TENM3: variants seen among roughly 807,000 people sequenced by gnomAD.
TENM3 encodes the protein teneurin transmembrane protein 3, also known as teneurin-3.
A neutral mutation model predicts 255.1 loss-of-function variants in TENM3; 63 were observed. The ratio of observed to expected loss-of-function variants is 0.25; its 90% CI spans 0.20 to 0.30. TENM3 has a LOEUF of 0.30. Ranked by LOEUF, TENM3 falls within the 10% of genes least tolerant of loss-of-function variation. The pLI, the probability that TENM3 is intolerant of heterozygous loss-of-function variation, is 1.00. For synonymous variants in TENM3, 1,306 were observed against 1,322.3 expected (o/e 0.99, Z 0.27); for missense variants, 2,929 against 3,461.1 (o/e 0.85, Z 3.86).
In TENM3 at chr4:182,336,395, C is replaced by T. The variant is rs557834876; in HGVS notation, c.233-10256C>T. 5.3e-5 allele frequency among the ~76,000 whole-genome samples: 8 copies of T among 151,124 alleles called. No homozygotes were observed. The East Asian group carries it at 1.6e-3, about 29-fold the overall frequency. Reference sequence around the variant, plus strand: ...GAATAGCTGTGCTCAAAACTTTACACAGAAGCTCTCATTATAGTGTGTGAA... The same window carrying T: ...GAATAGCTGTGCTCAAAACTTTACATAGAAGCTCTCATTATAGTGTGTGAA... On this transcript the variant is annotated intron_variant, in intron 2 of 27. Coordinates refer to ENST00000511685, the MANE Select transcript of TENM3 (RefSeq NM_001080477.4).
chr4:182,157,941 T>C (rs1750822680), intron 1 of TENM3, among the ~76,000 whole-genome samples: 1 of 152,242 alleles, frequency 6.6e-6, no homozygotes, highest in African/African-American at 2.4e-5. Context: ...TCCTCTCATA[T>C]TTCTTAAAAT....
At chr4:181,950,134 T>A in the TENM3 span, among the ~76,000 whole-genome samples, 1 of 152,280 alleles carries the variant, frequency 6.6e-6, no homozygotes, top group Non-Finnish European at 1.5e-5. Flanking sequence ...TGGCTGGTCC[T>A]TGCCTTAAGT....
At chr4:181,495,256 A>G in the TENM3 span, among the ~76,000 whole-genome samples, 1 of 152,194 alleles carries the variant, frequency 6.6e-6, no homozygotes, top group Non-Finnish European at 1.5e-5. Flanking sequence ...AGTCTGGGCT[A>G]CAAACTAAAG....
chr4:182,460,070 C>T (rs1303463655), intron 3 of TENM3, among the ~76,000 whole-genome samples: 1 of 152,020 alleles, frequency 6.6e-6, no homozygotes, highest in Non-Finnish European at 1.5e-5. Flanking sequence ...TAACGAGGTA[C>T]CTTGTTGGAA....
At chr4:182,031,169 G>T in the TENM3 span, among the ~76,000 whole-genome samples, 1 of 152,166 alleles carries the variant, frequency 6.6e-6, no homozygotes, top group East Asian at 1.9e-4. Context: ...TTTTCTTCTA[G>T]GATTTTTATA....
chr4:182,475,166 T>C (rs902068819), intron 3 of TENM3, among the ~76,000 whole-genome samples: 7 of 152,198 alleles, frequency 4.6e-5, no homozygotes, highest in Non-Finnish European at 1.5e-5. Flanking sequence ...GGAGGACTCC[T>C]TTAGTGGTAG....
rs568057276 is a variant in TENM3 at position 182,637,144 on chromosome 4, T to G, written c.988+8255T>G. ...TAAATAAGGTTAAAAAAACTTGAAT[T>G]ACTAGGAATTTTAGAAGTGAATTCA... is the stretch of plus-strand genomic sequence containing the variant. On this transcript the variant is annotated intron_variant, in intron 5 of 27. Transcript: ENST00000511685. Among the ~76,000 whole-genome samples the G allele has an allele frequency of 2.0e-5, 3 of 152,212 alleles. No homozygotes were observed. In the East Asian group the frequency reaches 5.8e-4, roughly 29 times the overall value.
At chr4:181,510,225 G>C in the TENM3 span, among the ~76,000 whole-genome samples, 1 of 152,046 alleles carries the variant, frequency 6.6e-6, no homozygotes, top group Non-Finnish European at 1.5e-5. Context: ...AAATATTTTT[G>C]AATTATTTTT....
At chr4:181,611,105 GTTAA>G in the TENM3 span, among the ~76,000 whole-genome samples, 7 of 152,164 alleles carry the variant, frequency 4.6e-5, no homozygotes, top group Non-Finnish European at 7.3e-5. Context: ...GTTGTGCCAT[GTTAA>G]TTACCTAAAT....
At chr4:181,988,069 A>T in the TENM3 span, among the ~76,000 whole-genome samples, 1 of 152,042 alleles carries the variant, frequency 6.6e-6, no homozygotes, top group East Asian at 1.9e-4. Context: ...TCCCAGCCCA[A>T]TTTCCAAAAG....
At chr4:181,719,508 G>A in the TENM3 span, among the ~76,000 whole-genome samples, 2 of 152,154 alleles carry the variant, frequency 1.3e-5, no homozygotes, top group Non-Finnish European at 1.5e-5. Context: ...CTCATAGGCT[G>A]TGCTGACTCA....
chr4:182,799,844 C>A lies in TENM3; in HGVS notation c.7593C>A (p.Ala2531=), dbSNP rs757016716. 2 of 1,611,406 alleles carry A rather than the reference C, an allele frequency of 1.2e-6. No individual in the cohort carries two copies. The highest frequency in any genetic ancestry group is 1.7e-4 in the Middle Eastern group (1 of 6,058). ...CIKVAAVLNN[A]FYLENLHFTI... is the part of the protein sequence containing the mutation. ...AGGTGGCGGCCGTGCTCAACAACGCCTTCTACCTGGAGAACCTGCACTTCA... is the reference window on the plus strand; with the variant it reads ...AGGTGGCGGCCGTGCTCAACAACGCATTCTACCTGGAGAACCTGCACTTCA... Residue 2531 remains alanine (A), a synonymous_variant, in exon 28 of 28, where the codon GCC becomes GCA. Transcript: ENST00000511685. This position sits in a 1 kb window ranked among gnomAD's most constrained non-coding sequence, Gnocchi z 4.2.
the TENM3 span, among the ~76,000 whole-genome samples, chr4:181,467,149 A>AGG: frequency 1.6e-4 from 13 of 83,016 alleles, no homozygotes; most frequent in South Asian, 2.3e-3. Flanking sequence ...TTTTTTTTTT[A>AGG]GGCAGAGTCT....
At chr4:181,839,656 C>T in the TENM3 span, among the ~76,000 whole-genome samples, 1 of 150,720 alleles carries the variant, frequency 6.6e-6, no homozygotes. Flanking sequence ...AATTTTAGAT[C>T]GAGAAGTTTG....
At chr4:181,988,954 C>T in the TENM3 span, among the ~76,000 whole-genome samples, 9 of 151,984 alleles carry the variant, frequency 5.9e-5, no homozygotes, top group Non-Finnish European at 1.2e-4. Flanking sequence ...CATTGCCCCA[C>T]GACCCCACTT....
intron 3 of TENM3, among the ~76,000 whole-genome samples, chr4:182,565,465 G>C (rs370492145): frequency 6.6e-6 from 1 of 152,102 alleles, no homozygotes; most frequent in South Asian, 2.1e-4. Context: ...AAGTCCTCCC[G>C]AAGGATATAG....
At chr4:182,154,801 T>C (rs987264182) in intron 1 of TENM3, among the ~76,000 whole-genome samples, 2 of 152,210 alleles carry the variant, frequency 1.3e-5, no homozygotes, top group Non-Finnish European at 2.9e-5. Flanking sequence ...GTTAATTTTC[T>C]CTGAACGTGT....
Position 182,743,497 on chromosome 4 carries a change from G to C in TENM3, c.3629+78G>C, listed in dbSNP as rs934576258. 100 of 1,477,248 alleles carry C rather than the reference G, an allele frequency of 6.8e-5. No individual in the cohort carries two copies. In the East Asian group the frequency reaches 2.2e-3, roughly 32 times the overall value. 91.5% of individuals were successfully genotyped at this position (1,477,248 alleles called of 1,614,324 possible). ...AAAAAAAGGTTGAGTCTGATGTACT[G>C]ATTTATTCATAGAAAAATACCATCC... On this transcript the variant is annotated intron_variant, in intron 19 of 27. Transcript: ENST00000511685.
At chr4:181,923,954 T>G in the TENM3 span, among the ~76,000 whole-genome samples, 22 of 152,308 alleles carry the variant, frequency 1.4e-4, no homozygotes, top group Non-Finnish European at 2.6e-4. Flanking sequence ...TATATGAGTA[T>G]ACTAATTTAT....
Sources: allele counts gnomAD v4.1 joint callset (sites outside exome capture counted in the v4.1 genomes callset), GRCh38; gene constraint gnomAD v4.1.1; non-coding constraint Gnocchi (gnomAD v3.1); transcripts MANE v1.5; gene names NCBI Gene and HGNC (gene_info 2026-07-23, HGNC 2026-07-21).